CYP2C19: variants seen among roughly 807,000 people sequenced by gnomAD.
CYP2C19 encodes the protein cytochrome P450 2C19.
In CYP2C19, 59 loss-of-function variants were observed where a neutral mutation model predicts 40.9. The ratio of observed to expected loss-of-function variants is 1.44; its 90% CI spans 1.17 to 1.79. The LOEUF is 1.79. CYP2C19 is among the 40% of genes most tolerant of loss of function. The probability of loss-of-function intolerance (pLI) is 0.00; values close to 1 mark genes in which losing one functional copy is unlikely to be tolerated. For missense variants in CYP2C19, 754 were observed against 596.9 expected (o/e 1.26, Z -2.74); for synonymous variants, 253 against 208.7 (o/e 1.21, Z -1.83).
chr10:94,827,351 G>T (rs1030912692), intron 6 of CYP2C19, among the ~76,000 whole-genome samples: 4 of 151,950 alleles, frequency 2.6e-5, no homozygotes, highest in Non-Finnish European at 5.9e-5. Context: ...CCTGTTATTG[G>T]TCTATTCAGA....
chr10:94,849,666 G>A (rs1202843514), intron 7 of CYP2C19, among the ~76,000 whole-genome samples: 1 of 122,484 alleles, frequency 8.2e-6, no homozygotes, highest in Non-Finnish European at 1.6e-5. Flanking sequence ...GAAGTGTGAT[G>A]TTCCCCTTCC....
Position 94,814,096 on chromosome 10 carries a change from A to G in CYP2C19, c.820-6400A>G, listed in dbSNP as rs545724922. On this transcript the variant is annotated intron_variant, in intron 5 of 8. Transcript: ENST00000371321. ...ACAACATTCCTCCCTGCTTCAGTTT[A>G]GCCTCCATGCACTGCACCTACTGTC... 2.1e-3 allele frequency among the ~76,000 whole-genome samples: 316 copies of G among 151,262 alleles called. 4 individuals carry two copies. The highest frequency in any genetic ancestry group is 3.4e-3 in the Middle Eastern group (1 of 292).
At chr10:94,799,993 G>A (rs1311142381) in intron 5 of CYP2C19, among the ~76,000 whole-genome samples, 1 of 152,072 alleles carries the variant, frequency 6.6e-6, no homozygotes, top group Non-Finnish European at 1.5e-5. Flanking sequence ...ACATTCTGAA[G>A]CCTACTTCTG....
chr10:94,793,533 G>A (rs1848640011), intron 5 of CYP2C19, among the ~76,000 whole-genome samples: 1 of 152,098 alleles, frequency 6.6e-6, no homozygotes, highest in Non-Finnish European at 1.5e-5. Flanking sequence ...TACAGATGGT[G>A]TTTTGGTCTG....
chr10:94,828,223 A>G (rs1448670732), intron 6 of CYP2C19, among the ~76,000 whole-genome samples: 2 of 151,224 alleles, frequency 1.3e-5, no homozygotes, highest in African/African-American at 4.9e-5. Context: ...ATCCTTGTTG[A>G]CTTTCTGTCT....
At chr10:94,799,958 A>G (rs1412856088) in intron 5 of CYP2C19, among the ~76,000 whole-genome samples, 2 of 151,992 alleles carry the variant, frequency 1.3e-5, no homozygotes, top group Admixed American at 6.6e-5. Flanking sequence ...ATGCTCCTTT[A>G]GCTTGGAGAA....
chr10:94,817,971 C>T (rs1213418499), intron 5 of CYP2C19, among the ~76,000 whole-genome samples: 356 of 131,984 alleles, frequency 2.7e-3, no homozygotes, highest in East Asian at 3.6e-3. Flanking sequence ...CGAGATCCCG[C>T]CACTGCACTC....
intron 8 of CYP2C19, 102 bp downstream of exon 8, chr10:94,850,160 T>C: frequency 7.4e-7 from 1 of 1,354,314 alleles, no homozygotes; most frequent in Non-Finnish European, 1.0e-6. Flanking sequence ...AGTTACTCTT[T>C]GTACATGATC....
At chr10:94,813,490 G>T (rs778257594) in intron 5 of CYP2C19, among the ~76,000 whole-genome samples, 1 of 152,010 alleles carries the variant, frequency 6.6e-6, no homozygotes, top group Non-Finnish European at 1.5e-5. Context: ...CAGAGAGTAG[G>T]AATCTAGAGG....
intron 5 of CYP2C19, among the ~76,000 whole-genome samples, chr10:94,803,220 T>C (rs1413531066): frequency 6.6e-6 from 1 of 152,190 alleles, no homozygotes; most frequent in Non-Finnish European, 1.5e-5. Flanking sequence ...TTTCTGCAGA[T>C]AGAATTGTTT....
intron 5 of CYP2C19, among the ~76,000 whole-genome samples, chr10:94,793,841 C>G (rs1848644153): frequency 6.6e-6 from 1 of 152,168 alleles, no homozygotes; most frequent in Admixed American, 6.5e-5. Flanking sequence ...TGTCCATTCT[C>G]AGATTTCAAA....
intron 5 of CYP2C19, among the ~76,000 whole-genome samples, chr10:94,793,161 GTGCA>G (rs1277074344): frequency 1.3e-5 from 2 of 152,044 alleles, no homozygotes; most frequent in Non-Finnish European, 2.9e-5. Context: ...ACTGAAGCTT[GTGCA>G]TGCATCACAT....
chr10:94,828,508 T>C (rs1672305120), intron 6 of CYP2C19, among the ~76,000 whole-genome samples: 1 of 148,340 alleles, frequency 6.7e-6, no homozygotes, highest in Admixed American at 6.7e-5. Context: ...TTGTTTTCCA[T>C]TGGCTTGGTA....
intron 6 of CYP2C19, among the ~76,000 whole-genome samples, chr10:94,836,933 TG>T (rs1364943148): frequency 6.6e-6 from 1 of 150,846 alleles, no homozygotes; most frequent in East Asian, 2.0e-4. Context: ...GCCAAATAGA[TG>T]GGGGCTATCC....
chr10:94,808,941 G>T (rs1848874059), intron 5 of CYP2C19, among the ~76,000 whole-genome samples: 1 of 152,018 alleles, frequency 6.6e-6, no homozygotes, highest in South Asian at 2.1e-4. Context: ...CTTTCTTTTG[G>T]ATATACCTAG....
At chr10:94,817,679 C>G (rs1849028738) in intron 5 of CYP2C19, among the ~76,000 whole-genome samples, 1 of 150,918 alleles carries the variant, frequency 6.6e-6, no homozygotes, top group East Asian at 2.0e-4. Flanking sequence ...AATGGTAATG[C>G]CTAGGTTTTC....
At chr10:94,778,231 C>T (rs1848436291) in intron 3 of CYP2C19, among the ~76,000 whole-genome samples, 1 of 152,144 alleles carries the variant, frequency 6.6e-6, no homozygotes, top group East Asian at 1.9e-4. Context: ...AAGGTCAGTT[C>T]CTGGTCAACA....
rs149998862 is a variant in CYP2C19, at chr10:94,852,611, T to A, written c.1292-122T>A. The A allele has an allele frequency of 7.9e-4, 818 of 1,032,470 alleles. 5 individuals are homozygous for A. In the African/African-American group the frequency reaches 0.012, roughly 15 times the overall value. 64.0% of individuals were successfully genotyped at this position (1,032,470 alleles called of 1,614,324 possible). A position where few individuals can be genotyped will look rare whatever the true frequency, so the allele number is the denominator to read the frequency against. On this transcript the variant is annotated intron_variant, in intron 8 of 8. Transcript: ENST00000371321. Reference sequence around the variant, plus strand: ...ACCCAACCACCCATCTATCTACTCATCCCTCCTATGATTCACCGAACAGTT... The same window carrying A: ...ACCCAACCACCCATCTATCTACTCAACCCTCCTATGATTCACCGAACAGTT...
intron 7 of CYP2C19, among the ~76,000 whole-genome samples, chr10:94,844,088 G>T (rs796975809): frequency 3.3e-5 from 5 of 150,878 alleles, no homozygotes; most frequent in African/African-American, 1.2e-4. Flanking sequence ...CAAGATTTTT[G>T]ATATCAAGAT....
Sources: gnomAD v4.1 joint callset for allele counts (sites outside exome capture counted in the v4.1 genomes callset) on GRCh38, gnomAD v4.1.1 for gene constraint, MANE v1.5 for transcripts, NCBI Gene and HGNC (gene_info 2026-07-23, HGNC 2026-07-21) for gene names.